Variants in UBE2E1 observed in about 807,000 individuals in gnomAD.
UBE2E1 encodes the protein ubiquitin-conjugating enzyme E2 E1.
A neutral mutation model predicts 21.4 loss-of-function variants in UBE2E1; 6 were observed. The ratio of observed to expected loss-of-function variants is 0.28; its 90% CI spans 0.15 to 0.55. UBE2E1 has a LOEUF of 0.55. Ranked by LOEUF, UBE2E1 falls within the 20% of genes least tolerant of loss-of-function variation. The pLI, the probability that UBE2E1 is intolerant of heterozygous loss-of-function variation, is 0.93. For missense variants in UBE2E1, 142 were observed against 236.5 expected (o/e 0.60, Z 2.62); for synonymous variants, 87 against 82.7 (o/e 1.05, Z -0.28).
intron 3 of UBE2E1, among the ~76,000 whole-genome samples, chr3:23,875,471 A>G (rs999697798): frequency 2.0e-5 from 3 of 152,156 alleles, no homozygotes; most frequent in Non-Finnish European, 2.9e-5. Context: ...GTTTGGAACA[A>G]ATTTTAAAAA....
chr3:23,889,483 T>G (rs1701292042), intron 5 of UBE2E1: 2 of 1,382,904 alleles, frequency 1.4e-6, no homozygotes, highest in Non-Finnish European at 1.9e-6. Flanking sequence ...AACTGAAGAC[T>G]GACGTAAGTT....
intron 3 of UBE2E1, among the ~76,000 whole-genome samples, chr3:23,872,162 G>C (rs1282872084): frequency 6.6e-6 from 1 of 152,190 alleles, no homozygotes; most frequent in Non-Finnish European, 1.5e-5. Context: ...CTCGCTGTTA[G>C]GAGCTGGAGA....
At chr3:23,857,210 G>A (rs1466956760) in intron 3 of UBE2E1, among the ~76,000 whole-genome samples, 1 of 152,004 alleles carries the variant, frequency 6.6e-6, no homozygotes, top group Non-Finnish European at 1.5e-5. Context: ...AGCCTGGAGG[G>A]GTAGAGGTGT....
At chr3:23,845,246 G>A (rs1254768833) in intron 3 of UBE2E1, among the ~76,000 whole-genome samples, 1 of 152,120 alleles carries the variant, frequency 6.6e-6, no homozygotes, top group Admixed American at 6.5e-5. Context: ...TAATGGACAG[G>A]ATATTTTCTT....
chr3:23,849,034 G>A (rs1472900547), intron 3 of UBE2E1, among the ~76,000 whole-genome samples: 1 of 152,140 alleles, frequency 6.6e-6, no homozygotes, highest in Non-Finnish European at 1.5e-5. Context: ...GTGGACATTT[G>A]GTTGTTTCCA....
At chr3:23,852,795 G>T (rs908994565) in intron 3 of UBE2E1, among the ~76,000 whole-genome samples, 3 of 151,972 alleles carry the variant, frequency 2.0e-5, no homozygotes, top group African/African-American at 7.2e-5. Flanking sequence ...TGTAGAGCAG[G>T]GGTCTCACCA....
intron 3 of UBE2E1, among the ~76,000 whole-genome samples, chr3:23,845,871 A>T (rs1365546913): frequency 2.6e-5 from 4 of 152,162 alleles, no homozygotes; most frequent in African/African-American, 9.7e-5. Context: ...TTCAATATAA[A>T]ATTTATTAAT....
intron 5 of UBE2E1, chr3:23,889,620 C>T: frequency 2.0e-6 from 2 of 985,376 alleles, no homozygotes; most frequent in Admixed American, 6.1e-5. Context: ...GCAAGCCTCA[C>T]CTGTGCCTCT....
chr3:23,833,409 AATGAATTAG>A (rs1699909033), intron 3 of UBE2E1, among the ~76,000 whole-genome samples: 1 of 152,192 alleles, frequency 6.6e-6, no homozygotes, highest in African/African-American at 2.4e-5. Flanking sequence ...GTGCTACATT[AATGAATTAG>A]TTTTATTATT....
At chr3:23,809,589 C>T (rs1332111830) in intron 2 of UBE2E1, among the ~76,000 whole-genome samples, 2 of 152,190 alleles carry the variant, frequency 1.3e-5, no homozygotes, top group Non-Finnish European at 2.9e-5. Flanking sequence ...AATGCAAATG[C>T]TGTCTGTCAA....
In UBE2E1 at chr3:23,836,791, T is replaced by TA. The variant is rs1553637186; in HGVS notation, c.203+25281_203+25282insA. Reference sequence around the variant, plus strand: ...GGGGCATGTGAAAGTAAATGACATATGACAGACAGAATCATGCCCAGGAAT... The same window carrying TA: ...GGGGCATGTGAAAGTAAATGACATATAGACAGACAGAATCATGCCCAGGAAT... On this transcript the variant is annotated intron_variant, in intron 3 of 5. Coordinates refer to ENST00000306627, the MANE Select transcript of UBE2E1 (RefSeq NM_003341.5). This position sits in a 1 kb window ranked among gnomAD's most constrained non-coding sequence, Gnocchi z 4.1. Among the ~76,000 whole-genome samples, 2 of 152,204 alleles carry TA rather than the reference T, an allele frequency of 1.3e-5. No individual in the cohort carries two copies. The highest frequency in any genetic ancestry group is 2.9e-5 in the Non-Finnish European group (2 of 68,044).
At chr3:23,828,900 G>A (rs1301058606) in intron 3 of UBE2E1, among the ~76,000 whole-genome samples, 2 of 152,128 alleles carry the variant, frequency 1.3e-5, no homozygotes, top group East Asian at 3.8e-4. Flanking sequence ...GCACACCTAA[G>A]GAAGAGGGAA....
chr3:23,845,838 G>A (rs6776568), intron 3 of UBE2E1, among the ~76,000 whole-genome samples: 22,397 of 151,792 alleles, frequency 0.15, 2,542 homozygotes, highest in African/African-American at 0.31. Flanking sequence ...GCTTTATTAC[G>A]GACACCGATT....
rs1559482310 is a variant in UBE2E1 at position 23,842,196 on chromosome 3, G to GC, written c.203+30686_203+30687insC. On this transcript the variant is annotated intron_variant, in intron 3 of 5. Transcript: ENST00000306627. The surrounding 1 kb of genome is among the most constrained non-coding windows in gnomAD (Gnocchi z 4.6). ...ACTATGTCATGACCCAGTAAGTGAA[G>GC]GGGTGTGTGTGTGTGTGTGTGTGTG... Among the ~76,000 whole-genome samples the GC allele has an allele frequency of 9.0e-5, 4 of 44,330 alleles. No homozygotes were observed. Among genetic ancestry groups the GC allele is most frequent in the African/African-American group, 2.6e-4 (4 of 15,170 alleles). 29.1% of individuals were successfully genotyped at this position (44,330 alleles called of 152,430 possible). A position where few individuals can be genotyped will look rare whatever the true frequency, so the allele number is the denominator to read the frequency against.
At chr3:23,817,236 A>C (rs1335212358) in intron 3 of UBE2E1, among the ~76,000 whole-genome samples, 1 of 152,146 alleles carries the variant, frequency 6.6e-6, no homozygotes, top group Non-Finnish European at 1.5e-5. Flanking sequence ...TGAGGTCAGC[A>C]GTTTGACACC....
In UBE2E1 at chr3:23,811,478, G is replaced by C. The variant is rs749202067; in HGVS notation, c.171G>C (p.Ala57=). 1.2e-6 allele frequency: 2 copies of C among 1,614,014 alleles called. No homozygotes were observed. The highest frequency in any genetic ancestry group is 2.7e-5 in the African/African-American group (2 of 74,886). ...TSAKRIQKEL[A]DITLDPPPNC... ...ACTCCAGAATTCAGAAGGAGCTGGC[G>C]GACATCACTTTAGACCCTCCACCTA... Residue 57 remains alanine, a synonymous_variant, in exon 3 of 6, where the codon GCG becomes GCC. Coordinates refer to ENST00000306627, the MANE Select transcript of UBE2E1 (RefSeq NM_003341.5).
At chr3:23,839,256 G>T (rs1227623856) in intron 3 of UBE2E1, among the ~76,000 whole-genome samples, 1 of 152,044 alleles carries the variant, frequency 6.6e-6, no homozygotes, top group Non-Finnish European at 1.5e-5. Context: ...GAGGTCAGGA[G>T]ATCGAGACCA....
intron 3 of UBE2E1, among the ~76,000 whole-genome samples, chr3:23,829,862 A>G (rs1348740989): frequency 6.6e-6 from 1 of 152,192 alleles, no homozygotes; most frequent in Non-Finnish European, 1.5e-5. Context: ...ATAAGCATGG[A>G]TTGATTGGCT....
chr3:23,881,614 T>TA (rs1391172753), intron 3 of UBE2E1, among the ~76,000 whole-genome samples: 1 of 152,168 alleles, frequency 6.6e-6, no homozygotes, highest in Non-Finnish European at 1.5e-5. Context: ...ATGACCCAGT[T>TA]TAGAGAATCC....
Sources: gnomAD v4.1 joint callset for allele counts (sites outside exome capture counted in the v4.1 genomes callset) on GRCh38, gnomAD v4.1.1 for gene constraint, Gnocchi (gnomAD v3.1) non-coding constraint, MANE v1.5 for transcripts, NCBI Gene and HGNC (gene_info 2026-07-23, HGNC 2026-07-21) for gene names.